CLNK: variants seen among roughly 807,000 people sequenced by gnomAD.
CLNK encodes the protein cytokine-dependent hematopoietic cell linker.
CLNK carries 74 observed loss-of-function variants against 68.6 expected under a neutral mutation model. That is an observed-to-expected ratio of 1.08 (90% CI 0.89 to 1.31). The LOEUF (loss-of-function observed/expected upper bound fraction) is 1.31. Among genes scored for constraint, CLNK ranks in the 50% most tolerant of loss-of-function variants. The probability of loss-of-function intolerance (pLI) is 0.00; values close to 1 mark genes in which losing one functional copy is unlikely to be tolerated. For synonymous variants in CLNK, 198 were observed against 172.2 expected (o/e 1.15, Z -1.17); for missense variants, 553 against 515.3 (o/e 1.07, Z -0.71).
chr4:10,699,759 C>G, the CLNK span, among the ~76,000 whole-genome samples: 3 of 151,674 alleles, frequency 2.0e-5, no homozygotes, highest in Non-Finnish European at 4.4e-5. Context: ...GATGATCCAT[C>G]CGCCTCAGCC....
chr4:10,504,007 T>C, intron 17 of CLNK, among the ~76,000 whole-genome samples: 1 of 151,550 alleles, frequency 6.6e-6, no homozygotes, highest in Non-Finnish European at 1.5e-5. Flanking sequence ...GGTCTCAAAC[T>C]CCTGACCTCG....
chr4:10,624,501 C>G (rs2108863646), intron 2 of CLNK, among the ~76,000 whole-genome samples: 1 of 151,878 alleles, frequency 6.6e-6, no homozygotes, highest in East Asian at 1.9e-4. Context: ...ACCGTGTTAG[C>G]CAGGATGGTC....
chr4:10,669,512 C>T (rs558193144), intron 1 of CLNK, among the ~76,000 whole-genome samples: 73 of 152,214 alleles, frequency 4.8e-4, no homozygotes, highest in African/African-American at 1.7e-3. Flanking sequence ...TATATTGTGC[C>T]AGAGTGGCTT....
intron 2 of CLNK, among the ~76,000 whole-genome samples, chr4:10,625,677 C>G (rs981040949): frequency 6.6e-6 from 1 of 151,942 alleles, no homozygotes; most frequent in African/African-American, 2.4e-5. Context: ...GAGAGAGCAA[C>G]AGAGTGACAG....
chr4:10,511,254 C>T (rs116613764), intron 16 of CLNK, among the ~76,000 whole-genome samples: 4,592 of 152,244 alleles, frequency 0.03, 171 homozygotes, highest in East Asian at 0.13. Context: ...CCCTTGGGCA[C>T]ATGTTCTCAG....
intron 17 of CLNK, among the ~76,000 whole-genome samples, chr4:10,507,087 G>A (rs1340464602): frequency 1.3e-5 from 2 of 151,042 alleles, no homozygotes; most frequent in Non-Finnish European, 2.9e-5. Context: ...TTACAGGCAT[G>A]AGCCACCGCG....
At chr4:10,504,439 T>C (rs1299102756) in intron 17 of CLNK, among the ~76,000 whole-genome samples, 1 of 152,176 alleles carries the variant, frequency 6.6e-6, no homozygotes, top group Non-Finnish European at 1.5e-5. Flanking sequence ...TTGGGTTCTT[T>C]ACATAAATAT....
intron 16 of CLNK, among the ~76,000 whole-genome samples, chr4:10,510,168 T>C (rs1051544456): frequency 1.3e-5 from 2 of 152,142 alleles, no homozygotes; most frequent in African/African-American, 2.4e-5. Flanking sequence ...GGCTGGTGAG[T>C]GTGGCTGGTG....
At chr4:10,583,657 T>C (rs1720869360) in intron 4 of CLNK, among the ~76,000 whole-genome samples, 1 of 152,166 alleles carries the variant, frequency 6.6e-6, no homozygotes, top group Non-Finnish European at 1.5e-5. Flanking sequence ...AAGGTGTAGG[T>C]TCGAGTGTGT....
chr4:10,721,271 G>A, the CLNK span, among the ~76,000 whole-genome samples: 117,037 of 151,600 alleles, frequency 0.77, 45,393 homozygotes, highest in Admixed American at 0.83. Context: ...TGACTGTATC[G>A]ACTGCATGCC....
chr4:10,544,723 CTTAAAACAGAATACTTGAAA>C (rs1560210008), intron 8 of CLNK, among the ~76,000 whole-genome samples: 1 of 152,088 alleles, frequency 6.6e-6, no homozygotes, highest in East Asian at 1.9e-4. Context: ...TTTTCTGTTG[CTTAAAACAGAATACTTGAAA>C]TTAGGTGATT....
chr4:10,510,718 C>T (rs1466679869), intron 16 of CLNK, among the ~76,000 whole-genome samples: 4 of 152,180 alleles, frequency 2.6e-5, no homozygotes, highest in Non-Finnish European at 5.9e-5. Context: ...GAACTTTGGT[C>T]TCCACAAGGC....
At chr4:10,500,957 G>T (rs1296540544) in intron 18 of CLNK, among the ~76,000 whole-genome samples, 1 of 152,186 alleles carries the variant, frequency 6.6e-6, no homozygotes, top group Non-Finnish European at 1.5e-5. Context: ...AAGGAATTTG[G>T]CATTAGTGTA....
At chr4:10,719,445 A>T in the CLNK span, among the ~76,000 whole-genome samples, 1 of 152,088 alleles carries the variant, frequency 6.6e-6, no homozygotes, top group African/African-American at 2.4e-5. Context: ...ACATCAGAGA[A>T]AAGAAAATTA....
chr4:10,539,060 T>G (rs1277778933), intron 11 of CLNK, among the ~76,000 whole-genome samples: 7 of 152,240 alleles, frequency 4.6e-5, no homozygotes, highest in African/African-American at 1.4e-4. Context: ...GCCCATGGAA[T>G]TGTAAGCCAA....
chr4:10,523,789 C>A (rs948558725), intron 14 of CLNK, among the ~76,000 whole-genome samples: 1 of 151,976 alleles, frequency 6.6e-6, no homozygotes, highest in African/African-American at 2.4e-5. Context: ...CATTTGGGGG[C>A]CAAGGTGGGT....
At chr4:10,592,365 G>T (rs181636771) in intron 3 of CLNK, among the ~76,000 whole-genome samples, 1 of 152,222 alleles carries the variant, frequency 6.6e-6, no homozygotes, top group East Asian at 1.9e-4. Context: ...AGAGTAGCAG[G>T]ATGATTTGCC....
At chr4:10,553,318 C>T (rs181472594) in intron 8 of CLNK, among the ~76,000 whole-genome samples, 1 of 152,260 alleles carries the variant, frequency 6.6e-6, no homozygotes, top group Non-Finnish European at 1.5e-5. Context: ...TACAAATGCT[C>T]CGTGCCATAT....
At chr4:10,554,513 T>G (rs113173921) in intron 8 of CLNK, among the ~76,000 whole-genome samples, 1,791 of 152,304 alleles carry the variant, frequency 0.012, 28 homozygotes, top group Non-Finnish European at 0.018. Context: ...CCTTTCCTTT[T>G]CTCTGAGGCC....
Sources: gnomAD v4.1 joint callset for allele counts (sites outside exome capture counted in the v4.1 genomes callset) on GRCh38, gnomAD v4.1.1 for gene constraint, MANE v1.5 for transcripts, NCBI Gene and HGNC (gene_info 2026-07-23, HGNC 2026-07-21) for gene names.